The following QKI variants were observed in gnomAD, a reference collection of about 807,000 sequenced individuals.
The protein encoded by QKI is KH domain-containing RNA-binding protein QKI.
In QKI, 10 loss-of-function variants were observed where a neutral mutation model predicts 39.0. That is an observed-to-expected ratio of 0.26 (90% CI 0.16 to 0.43). The LOEUF is 0.43. Among genes scored for constraint, QKI ranks in the 20% least tolerant of loss-of-function variants. The pLI is 1.00. For missense variants in QKI, 218 were observed against 428.0 expected (o/e 0.51, Z 4.33); for synonymous variants, 204 against 155.4 (o/e 1.31, Z -2.33).
At chr6:163,474,011 T>C (rs1019461251) in intron 2 of QKI, among the ~76,000 whole-genome samples, 2 of 152,174 alleles carry the variant, frequency 1.3e-5, no homozygotes, top group Non-Finnish European at 1.5e-5. Flanking sequence ...TGAAATTGAA[T>C]TTGAAATTAA....
In QKI at chr6:163,552,747, C is replaced by G. The variant is rs909015598; in HGVS notation, c.547-9235C>G. 5.3e-5 allele frequency among the ~76,000 whole-genome samples: 8 copies of G among 152,132 alleles called. No individual in the cohort carries two copies. In the East Asian group the frequency reaches 1.5e-3, roughly 29 times the overall value. ...AAGCTGTTGTGATTATTTCCCTAGG[C>G]CTTTTCATTTGGTCTTCCACCGCAG... On this transcript the variant is annotated intron_variant, in intron 4 of 7. Coordinates refer to ENST00000361752, the MANE Select transcript of QKI (RefSeq NM_006775.3).
intron 1 of QKI, among the ~76,000 whole-genome samples, chr6:163,442,354 A>G (rs956613960): frequency 2.0e-5 from 3 of 152,228 alleles, no homozygotes; most frequent in African/African-American, 7.2e-5. Flanking sequence ...TTTATTAGAC[A>G]TAACTTTCAT....
Position 163,570,882 on chromosome 6 carries a change from C to T in QKI, c.*172C>T, listed in dbSNP as rs1583239982. 2.2e-6 allele frequency: 2 copies of T among 900,846 alleles called. No homozygotes were observed. The highest frequency in any genetic ancestry group is 2.8e-5 in the East Asian group (1 of 36,180). The allele number at this position is 900,846 out of a possible 1,614,324, so 55.8% of individuals were successfully genotyped here. A position where few individuals can be genotyped will look rare whatever the true frequency, so the allele number is the denominator to read the frequency against. On this transcript the variant is annotated 3_prime_UTR_variant, in exon 8 of 8. Coordinates refer to ENST00000361752, the MANE Select transcript of QKI (RefSeq NM_006775.3). ...AAACAAAAGACAAAGAAATTGTTGT[C>T]CTCCAACTCAGCTTTTTTTTTTTTT...
chr6:163,441,675 A>G (rs1309467009), intron 1 of QKI, among the ~76,000 whole-genome samples: 2 of 152,154 alleles, frequency 1.3e-5, no homozygotes, highest in Non-Finnish European at 2.9e-5. Flanking sequence ...AGGAAGATCA[A>G]GGTTGGACTC....
chr6:163,532,207 C>G (rs1277701990), intron 3 of QKI, among the ~76,000 whole-genome samples: 1 of 152,144 alleles, frequency 6.6e-6, no homozygotes, highest in Non-Finnish European at 1.5e-5. Flanking sequence ...TTAAGCTTTT[C>G]TCAAAAATAT....
At chr6:163,493,675 AC>A (rs2128229129) in intron 3 of QKI, among the ~76,000 whole-genome samples, 2 of 152,206 alleles carry the variant, frequency 1.3e-5, no homozygotes, top group South Asian at 4.2e-4. Flanking sequence ...ACCACCTTGG[AC>A]CCTTCTCTAA....
At chr6:163,553,453 C>A (rs1782389528) in intron 4 of QKI, among the ~76,000 whole-genome samples, 1 of 152,082 alleles carries the variant, frequency 6.6e-6, no homozygotes, top group South Asian at 2.1e-4. Context: ...ATTAAACTCC[C>A]AATTGGTATT....
chr6:163,554,532 C>T lies in QKI; in HGVS notation c.547-7450C>T, dbSNP rs1167925311. 2.6e-5 allele frequency among the ~76,000 whole-genome samples: 4 copies of T among 152,198 alleles called. No individual in the cohort carries two copies. In the East Asian group the frequency reaches 7.7e-4, roughly 29 times the overall value. On this transcript the variant is annotated intron_variant, in intron 4 of 7. Transcript: ENST00000361752. Reference sequence around the variant, plus strand: ...ATAGGATAAGTTGGAATAAGTTGATCAACCAGATGAATATTCAGCTGTGTA... The same window carrying T: ...ATAGGATAAGTTGGAATAAGTTGATTAACCAGATGAATATTCAGCTGTGTA...
intron 4 of QKI, among the ~76,000 whole-genome samples, chr6:163,558,276 C>T (rs1372122777): frequency 2.0e-5 from 3 of 152,170 alleles, no homozygotes; most frequent in African/African-American, 7.2e-5. Flanking sequence ...ATACCTTCAA[C>T]AGTGTTTAGG....
At chr6:163,507,586 C>G (rs1007133333) in intron 3 of QKI, among the ~76,000 whole-genome samples, 1 of 152,104 alleles carries the variant, frequency 6.6e-6, no homozygotes, top group Non-Finnish European at 1.5e-5. Flanking sequence ...AACGGGAATC[C>G]CCAAATTGTA....
intron 1 of QKI, among the ~76,000 whole-genome samples, chr6:163,418,618 C>T (rs1158604229): frequency 6.6e-6 from 1 of 151,992 alleles, no homozygotes; most frequent in Non-Finnish European, 1.5e-5. Flanking sequence ...AGGACATAAA[C>T]TTGAGTTTGA....
chr6:163,425,503 T>C (rs938517303), intron 1 of QKI, among the ~76,000 whole-genome samples: 3 of 152,204 alleles, frequency 2.0e-5, no homozygotes, highest in Non-Finnish European at 4.4e-5. Context: ...GTATACAATA[T>C]ATATGGGTTT....
At chr6:163,429,736 G>A (rs981695430) in intron 1 of QKI, among the ~76,000 whole-genome samples, 3 of 152,162 alleles carry the variant, frequency 2.0e-5, no homozygotes, top group Non-Finnish European at 2.9e-5. Flanking sequence ...AATAATGTCA[G>A]AGTTGCATAT....
chr6:163,489,073 C>T (rs1777881689), intron 3 of QKI, among the ~76,000 whole-genome samples: 1 of 143,468 alleles, frequency 7.0e-6, no homozygotes, highest in South Asian at 2.2e-4. Context: ...ACTCTCAGCA[C>T]TTTTTAATAC....
At chr6:163,520,353 A>C (rs566724775) in intron 3 of QKI, among the ~76,000 whole-genome samples, 31 of 152,282 alleles carry the variant, frequency 2.0e-4, no homozygotes, top group South Asian at 4.1e-4. Context: ...GAATATGTAA[A>C]AAATGGCATT....
chr6:163,554,458 CT>C (rs1782459523), intron 4 of QKI, among the ~76,000 whole-genome samples: 1 of 152,166 alleles, frequency 6.6e-6, no homozygotes, highest in African/African-American at 2.4e-5. Context: ...GCCACATCAT[CT>C]TGGAGAAAAA....
chr6:163,519,347 A>G (rs552193310), intron 3 of QKI, among the ~76,000 whole-genome samples: 1 of 152,252 alleles, frequency 6.6e-6, no homozygotes, highest in Non-Finnish European at 1.5e-5. Flanking sequence ...ATTCAGGACA[A>G]AAGAGCTCTT....
At chr6:163,479,216 G>C (rs1369602728) in intron 3 of QKI, among the ~76,000 whole-genome samples, 2 of 151,922 alleles carry the variant, frequency 1.3e-5, no homozygotes, top group East Asian at 1.9e-4. Flanking sequence ...TTGAACCCGG[G>C]AGGCAGAGAT....
chr6:163,489,975 G>A (rs983778012), intron 3 of QKI, among the ~76,000 whole-genome samples: 1 of 152,004 alleles, frequency 6.6e-6, no homozygotes, highest in African/African-American at 2.4e-5. Flanking sequence ...TCTTCCTTCA[G>A]CCTCCCTTAT....
Sources: gnomAD v4.1 joint callset for allele counts (sites outside exome capture counted in the v4.1 genomes callset) on GRCh38, gnomAD v4.1.1 for gene constraint, MANE v1.5 for transcripts, NCBI Gene and HGNC (gene_info 2026-07-23, HGNC 2026-07-21) for gene names.